Variants in PPP2R2D observed in about 807,000 individuals in gnomAD.
PPP2R2D encodes the protein serine/threonine-protein phosphatase 2A 55 kDa regulatory subunit B delta isoform.
Under a neutral mutation model 31.1 loss-of-function variants are expected in PPP2R2D, and 9 were observed. That is an observed-to-expected ratio of 0.29 (90% CI 0.17 to 0.51). The LOEUF (loss-of-function observed/expected upper bound fraction) is 0.51, where lower values mean the gene tolerates loss of function less well. Ranked by LOEUF, PPP2R2D falls within the 20% of genes least tolerant of loss-of-function variation. PPP2R2D has a pLI of 0.98. For missense variants in PPP2R2D, 391 were observed against 465.6 expected, an observed-to-expected ratio of 0.84 and a Z score of 1.48; for synonymous variants, 179 against 172.6, an observed-to-expected ratio of 1.04 and a Z score of -0.29.
chr10:131,943,497 C>T (rs2036477471), intron 5 of PPP2R2D, among the ~76,000 whole-genome samples: 1 of 152,168 alleles, frequency 6.6e-6, no homozygotes, highest in Non-Finnish European at 1.5e-5. Context: ...CCTGCCAGTA[C>T]CTGGAGCCAG....
At chr10:131,902,004 A>C (rs2035507925) in intron 2 of PPP2R2D, among the ~76,000 whole-genome samples, 1 of 152,120 alleles carries the variant, frequency 6.6e-6, no homozygotes, top group African/African-American at 2.4e-5. Context: ...CTTTTCCTTA[A>C]ATCATACTCT....
downstream of PPP2R2D, among the ~76,000 whole-genome samples, chr10:131,962,849 G>T (rs781898517): frequency 2.6e-5 from 4 of 152,200 alleles, no homozygotes; most frequent in Non-Finnish European, 5.9e-5. Flanking sequence ...AGCTCCGTCT[G>T]CTTGCCTTGG....
At chr10:131,908,444 T>G (rs1467971080) in intron 2 of PPP2R2D, among the ~76,000 whole-genome samples, 1 of 152,206 alleles carries the variant, frequency 6.6e-6, no homozygotes, top group Non-Finnish European at 1.5e-5. Context: ...GTGTTCCATG[T>G]TGTTTAGCAA....
chr10:131,922,908 C>G (rs956714493), intron 2 of PPP2R2D, among the ~76,000 whole-genome samples: 7 of 152,144 alleles, frequency 4.6e-5, no homozygotes, highest in Non-Finnish European at 1.5e-5. Flanking sequence ...ATAATTTAGT[C>G]TACTTTTAGA....
chr10:131,962,329 G>T (rs12411375), downstream of PPP2R2D, among the ~76,000 whole-genome samples: 38,276 of 152,008 alleles, frequency 0.25, 4,948 homozygotes, highest in African/African-American at 0.3. Context: ...AAGCTCTCCA[G>T]CTCCACGCGG....
At chr10:131,971,142 G>GGCCGC in the PPP2R2D span, 1 of 633,502 alleles carries the variant, frequency 1.6e-6, no homozygotes. Flanking sequence ...GCCTTCCCCG[G>GGCCGC]GCCGCGCCGC....
In PPP2R2D at chr10:131,955,765, G is replaced by A. The variant is rs373838830; in HGVS notation, c.1164G>A (p.Ser388=). The change falls in exon 9 of 9, where the codon TCG becomes TCA. Residue 388 remains serine (S), a synonymous_variant. Coordinates refer to ENST00000455566, the MANE Select transcript of PPP2R2D (RefSeq NM_018461.5). The part of the protein sequence containing the change: ...DTRRDVTLEA[S]RESSKPRASL... ...GGAGGGATGTGACCCTGGAGGCCTC[G>A]AGAGAGAGCAGCAAACCGCGCGCCA... The A allele has an allele frequency of 2.5e-5, 39 of 1,583,346 alleles. No individual in the cohort carries two copies. Among genetic ancestry groups the A allele is most frequent in the Admixed American group, 2.1e-4 (12 of 57,880 alleles).
chr10:131,934,603 G>A (rs781873198), intron 3 of PPP2R2D, 48 bp downstream of exon 3: 5 of 760,370 alleles, frequency 6.6e-6, no homozygotes, highest in Admixed American at 1.8e-5. Context: ...TCAACCTTTC[G>A]CATATAACTT....
At position 131,957,264 on chromosome 10, in the gene PPP2R2D, G is replaced by C. The variant is rs530971785; in HGVS notation, c.*1301G>C. The stretch of plus-strand genomic sequence containing the variant: ...TTCCTCCTGCTGCTGTGGAGATGGA[G>C]GTGTGTGCTGATCGCCCGTCACCCT... On this transcript the variant is annotated 3_prime_UTR_variant, in exon 9 of 9. Transcript: ENST00000455566. 7 of 164,828 alleles carry C rather than the reference G, an allele frequency of 4.2e-5. No homozygotes were observed. Among genetic ancestry groups the C allele is most frequent in the African/African-American group, 1.7e-4 (7 of 41,486 alleles). 10.2% of individuals were successfully genotyped at this position (164,828 alleles called of 1,614,324 possible).
At chr10:131,964,233 G>A (rs926559018), downstream of PPP2R2D, among the ~76,000 whole-genome samples, 3 of 152,102 alleles carry the variant, frequency 2.0e-5, no homozygotes, top group South Asian at 2.1e-4. Context: ...AGTATCTTGC[G>A]GGGACACAAT....
chr10:131,945,307 T>G lies in PPP2R2D; in HGVS notation c.668T>G (p.Ile223Ser). The G allele has an allele frequency of 1.2e-6, 2 of 1,613,726 alleles. No individual in the cohort carries two copies. Among genetic ancestry groups the G allele is most frequent in the Non-Finnish European group, 1.7e-6 (2 of 1,179,762 alleles). The change falls in exon 7 of 9, where the codon ATC becomes AGC. Residue 223 changes from isoleucine (I) to serine (S), a missense_variant. Transcript: ENST00000455566. This position sits in a 1 kb window ranked among gnomAD's most constrained non-coding sequence, Gnocchi z 4.8. The part of the protein sequence containing the change: ...ITDRSFNIVD[I>S]KPANMEELTE... ...CATGCACTCCCAGACATCGTGGACATCAAGCCTGCTAACATGGAGGAGCTG... is the reference window on the plus strand; with the variant it reads ...CATGCACTCCCAGACATCGTGGACAGCAAGCCTGCTAACATGGAGGAGCTG...
At chr10:131,936,537 G>A (rs1035772156) in intron 3 of PPP2R2D, among the ~76,000 whole-genome samples, 3 of 152,226 alleles carry the variant, frequency 2.0e-5, no homozygotes, top group Non-Finnish European at 2.9e-5. Context: ...TCATTGTAGC[G>A]ATAGCCTTAG....
downstream of PPP2R2D, among the ~76,000 whole-genome samples, chr10:131,963,400 C>A (rs1336910564): frequency 6.6e-6 from 1 of 152,230 alleles, no homozygotes; most frequent in African/African-American, 2.4e-5. Flanking sequence ...TGCCTCTGGC[C>A]CCCTGGATCA....
chr10:131,944,197 A>G, intron 6 of PPP2R2D, 52 bp downstream of exon 6: 1 of 1,480,386 alleles, frequency 6.8e-7, no homozygotes, highest in Non-Finnish European at 9.2e-7. Flanking sequence ...CTCTTTAGAT[A>G]GTAATTTCTC....
At position 131,934,544 on chromosome 10, in the gene PPP2R2D, C is replaced by T. The variant is rs782304722; in HGVS notation, c.187C>T (p.Arg63Cys). The change falls in exon 3 of 9, where the codon CGT becomes TGT. Residue 63 changes from arginine (R) to cysteine (C), a missense_variant. This residue lies in a region of PPP2R2D where 105 missense variants were observed against 98.5 expected (regional missense o/e 1.07). Coordinates refer to ENST00000455566, the MANE Select transcript of PPP2R2D (RefSeq NM_018461.5). ...GGGCGGCAGAGTTGTTATTTTTCAG[C>T]GTGAACAAGAGGTCAGTAATTTTCA... is the stretch of plus-strand genomic sequence containing the variant. The part of the protein sequence containing the change: ...DKGGRVVIFQ[R>C]EQENKSRPHS... 2.6e-6 allele frequency: 2 copies of T among 779,692 alleles called. No individual in the cohort carries two copies. The highest frequency in any genetic ancestry group is 1.7e-5 in the Admixed American group (1 of 58,816). 48.3% of individuals were successfully genotyped at this position (779,692 alleles called of 1,614,324 possible).
chr10:131,964,708 C>T (rs1298569020), downstream of PPP2R2D, among the ~76,000 whole-genome samples: 1 of 144,968 alleles, frequency 6.9e-6, no homozygotes, highest in Non-Finnish European at 1.5e-5. Context: ...TTGCAGTATC[C>T]ACCCCGAATG....
chr10:131,964,328 GT>G (rs880000811), downstream of PPP2R2D, among the ~76,000 whole-genome samples: 4 of 148,886 alleles, frequency 2.7e-5, no homozygotes, highest in South Asian at 2.1e-4. Context: ...GTGACTTTGT[GT>G]TTTTTTTTTG....
rs1415576080 is a variant in PPP2R2D at position 131,901,221 on chromosome 10, C to A, written c.8-17C>A. 12 of 348,536 alleles carry A rather than the reference C, an allele frequency of 3.4e-5. No homozygotes were observed. Among genetic ancestry groups the A allele is most frequent in the Middle Eastern group, 7.4e-4 (1 of 1,344 alleles). 21.6% of individuals were successfully genotyped at this position (348,536 alleles called of 1,614,324 possible). ...GCGGGGGCCGCGGCCGGCCTGACCG[C>A]CCCGTTGTGTTTGCAGGAGCCGGAG... On this transcript the variant is annotated splice_polypyrimidine_tract_variant and intron_variant, in intron 1 of 8. Coordinates refer to ENST00000455566, the MANE Select transcript of PPP2R2D (RefSeq NM_018461.5).
At chr10:131,953,027 G>A (rs561187687) in intron 8 of PPP2R2D, among the ~76,000 whole-genome samples, 121 of 134,302 alleles carry the variant, frequency 9.0e-4, no homozygotes, top group African/African-American at 3.1e-3. Context: ...TTAGTGACTT[G>A]CGGGTGTGCA....
Sources: allele counts gnomAD v4.1 joint callset (sites outside exome capture counted in the v4.1 genomes callset), GRCh38; gene constraint gnomAD v4.1.1; regional missense constraint gnomAD v4.1.1; non-coding constraint Gnocchi (gnomAD v3.1); transcripts MANE v1.5; gene names NCBI Gene and HGNC (gene_info 2026-07-23, HGNC 2026-07-21).